The following ITIH5 variants were observed in gnomAD, a reference collection of about 807,000 sequenced individuals.
ITIH5 encodes inter-alpha-trypsin inhibitor heavy chain 5.
A neutral mutation model predicts 77.5 loss-of-function variants in ITIH5; 65 were observed. The observed-to-expected ratio is 0.84, with a 90% confidence interval of 0.69 to 1.03. The LOEUF (loss-of-function observed/expected upper bound fraction) is 1.03. Ranked by LOEUF, ITIH5 falls within the 50% of genes least tolerant of loss-of-function variation. ITIH5 has a pLI of 0.00. For synonymous variants in ITIH5, 525 were observed against 494.3 expected (o/e 1.06, Z -0.82); for missense variants, 1,208 against 1,213.1 (o/e 1.00, Z 0.06).
chr10:7,609,375 A>G (rs1330707187), intron 7 of ITIH5: 1 of 449,092 alleles, frequency 2.2e-6, no homozygotes, highest in Non-Finnish European at 4.5e-6. Context: ...GTAATGATCA[A>G]ACACAAGATG....
chr10:7,652,064 C>A (rs1301901078), intron 2 of ITIH5, among the ~76,000 whole-genome samples: 2 of 152,174 alleles, frequency 1.3e-5, no homozygotes, highest in Non-Finnish European at 2.9e-5. Flanking sequence ...GGCAGCGAAT[C>A]CTCTTGGGAA....
chr10:7,624,815 AC>A, intron 5 of ITIH5, among the ~76,000 whole-genome samples: 1 of 121,918 alleles, frequency 8.2e-6, no homozygotes, highest in East Asian at 2.4e-4. Context: ...ATATATATAC[AC>A]ATATATATGT....
intron 2 of ITIH5, among the ~76,000 whole-genome samples, chr10:7,644,809 ACATATATAT>A (rs1374923815): frequency 6.1e-4 from 65 of 107,376 alleles, no homozygotes; most frequent in East Asian, 5.8e-3. Flanking sequence ...CATATATATC[ACATATATAT>A]CATATATATC....
At chr10:7,648,152 G>A (rs1269951889) in intron 2 of ITIH5, among the ~76,000 whole-genome samples, 1 of 151,762 alleles carries the variant, frequency 6.6e-6, no homozygotes, top group Non-Finnish European at 1.5e-5. Flanking sequence ...GCTGAGGCAG[G>A]AGAATAGCGT....
intron 7 of ITIH5, among the ~76,000 whole-genome samples, chr10:7,614,561 T>C (rs1833326357): frequency 1.3e-5 from 2 of 152,168 alleles, no homozygotes; most frequent in South Asian, 4.1e-4. Flanking sequence ...TCTACCAGTG[T>C]GGCCCAGGGA....
chr10:7,662,594 G>T (rs1364620528), intron 1 of ITIH5, among the ~76,000 whole-genome samples: 1 of 152,210 alleles, frequency 6.6e-6, no homozygotes, highest in African/African-American at 2.4e-5. Context: ...CGCCTTATAT[G>T]TGAGCATCCA....
At position 7,582,777 on chromosome 10, in the gene ITIH5, C is replaced by T. The variant is rs562580271; in HGVS notation, c.1109-2713G>A. 2.6e-5 allele frequency among the ~76,000 whole-genome samples: 4 copies of T among 152,118 alleles called. No homozygotes were observed. In the South Asian group the frequency reaches 6.2e-4, roughly 24 times the overall value. ...CCATGTTCTCGCTTATTTGTGGCAG[C>T]TAAAAATTAAAACGATTGAACTTAT... On this transcript the variant is annotated intron_variant, in intron 8 of 13. Coordinates refer to ENST00000397146, the MANE Select transcript of ITIH5 (RefSeq NM_030569.7).
intron 7 of ITIH5, among the ~76,000 whole-genome samples, chr10:7,608,121 G>GCAT (rs1833168694): frequency 6.6e-6 from 1 of 152,320 alleles, no homozygotes; most frequent in African/African-American, 2.4e-5. Flanking sequence ...GGGCAAGCTT[G>GCAT]CATCCTCCTG....
At chr10:7,635,744 G>T (rs1246706452) in intron 5 of ITIH5, among the ~76,000 whole-genome samples, 1 of 152,060 alleles carries the variant, frequency 6.6e-6, no homozygotes, top group Non-Finnish European at 1.5e-5. Flanking sequence ...CCCCTCCATA[G>T]ACCACCAGCT....
chr10:7,606,518 T>C (rs1244120868), intron 7 of ITIH5, among the ~76,000 whole-genome samples: 1 of 152,174 alleles, frequency 6.6e-6, no homozygotes, highest in Non-Finnish European at 1.5e-5. Context: ...AAACAAATAC[T>C]GTATACCCTC....
chr10:7,562,823 T>TC lies in ITIH5; in HGVS notation c.*259dup. The TC allele has an allele frequency of 1.9e-6, 1 of 535,454 alleles. No individual in the cohort carries two copies. Among genetic ancestry groups the TC allele is most frequent in the Non-Finnish European group, 3.4e-6 (1 of 296,510 alleles). The allele number at this position is 535,454 out of a possible 1,614,324, so 33.2% of individuals were successfully genotyped here. ...GTTGCATTTAGCTATGACCCTTCTCTCCCCTCTGTGGATGTGGGCAGGGTG... is the reference window on the plus strand; with the variant it reads ...GTTGCATTTAGCTATGACCCTTCTCTCCCCCTCTGTGGATGTGGGCAGGGTG... On this transcript the variant is annotated 3_prime_UTR_variant, in exon 14 of 14. Coordinates refer to ENST00000397146, the MANE Select transcript of ITIH5 (RefSeq NM_030569.7).
chr10:7,624,852 T>C (rs1344308375), intron 5 of ITIH5, among the ~76,000 whole-genome samples: 4 of 109,638 alleles, frequency 3.6e-5, no homozygotes, highest in African/African-American at 1.4e-4. Context: ...TACACATATA[T>C]ATGTGTATAT....
At chr10:7,623,120 TGCTCACAGCCACGG>T (rs138486278) in intron 5 of ITIH5, among the ~76,000 whole-genome samples, 5,990 of 152,268 alleles carry the variant, frequency 0.039, 420 homozygotes, top group African/African-American at 0.14. Flanking sequence ...AAGAGCCCCA[TGCTCACAGCCACGG>T]GCTGGAAGCG....
Position 7,563,301 on chromosome 10 carries a change from C to A in ITIH5, c.2611G>T (p.Val871Leu). Residue 871 changes from valine (V) to leucine (L), a missense_variant, in exon 14 of 14, where the codon GTG (valine) becomes TTG (leucine). By Grantham distance (32) the Val-to-Leu change is conservative. Coordinates refer to ENST00000397146, the MANE Select transcript of ITIH5 (RefSeq NM_030569.7). ...QNLTHPLLLQVGEGPEAVLTV... is the reference protein window; with the variant it reads ...QNLTHPLLLQLGEGPEAVLTV... The stretch of plus-strand genomic sequence containing the variant: ...AGGACGGCCTCAGGCCCCTCTCCCA[C>A]CTGAAGGAGCAGAGGGTGAGTGAGG... 2 of 1,614,238 alleles carry A rather than the reference C, an allele frequency of 1.2e-6. No homozygotes were observed. Among genetic ancestry groups the A allele is most frequent in the Middle Eastern group, 1.6e-4 (1 of 6,062 alleles).
chr10:7,659,738 CAG>C (rs1233019418), intron 1 of ITIH5, among the ~76,000 whole-genome samples: 1 of 152,170 alleles, frequency 6.6e-6, no homozygotes, highest in Non-Finnish European at 1.5e-5. Context: ...TCTGATGTCT[CAG>C]GGGATCACTA....
Position 7,572,292 on chromosome 10 carries a change from T to G in ITIH5, c.2032+850A>C, listed in dbSNP as rs372728119. ...CTGGACACAGCAGAACAAAACCCAG[T>G]CATAGGTTGTTCTTTCCTCTGAATT... On this transcript the variant is annotated intron_variant, in intron 11 of 13. Coordinates refer to ENST00000397146, the MANE Select transcript of ITIH5 (RefSeq NM_030569.7). The G allele has an allele frequency of 1.3e-4, 173 of 1,365,130 alleles. No homozygotes were observed. In the African/African-American group the frequency reaches 2.4e-3, roughly 19 times the overall value. The allele number at this position is 1,365,130 out of a possible 1,614,324, so 84.6% of individuals were successfully genotyped here.
chr10:7,608,953 C>T (rs1447606562), intron 7 of ITIH5, among the ~76,000 whole-genome samples: 3 of 152,138 alleles, frequency 2.0e-5, no homozygotes, highest in Non-Finnish European at 2.9e-5. Flanking sequence ...CTGTCCTTCA[C>T]GTTACTTGGT....
intron 5 of ITIH5, chr10:7,618,508 T>G (rs1833413495): frequency 1.3e-5 from 2 of 152,204 alleles, no homozygotes; most frequent in African/African-American, 4.8e-5. Flanking sequence ...ACACCATATC[T>G]ATGTACTTAG....
At chr10:7,656,923 T>C (rs1166518638) in intron 1 of ITIH5, among the ~76,000 whole-genome samples, 1 of 151,702 alleles carries the variant, frequency 6.6e-6, no homozygotes, top group Non-Finnish European at 1.5e-5. Context: ...TTTGTATTTT[T>C]AGTAGAGATG....
Sources: allele counts gnomAD v4.1 joint callset (sites outside exome capture counted in the v4.1 genomes callset), GRCh38; gene constraint gnomAD v4.1.1; transcripts MANE v1.5; gene names NCBI Gene and HGNC (gene_info 2026-07-23, HGNC 2026-07-21).